Variants in KIF26A observed in about 807,000 individuals in gnomAD.
The protein encoded by KIF26A is kinesin family member 26A, also known as kinesin-like protein KIF26A.
A neutral mutation model predicts 126.0 loss-of-function variants in KIF26A; 74 were observed. That is an observed-to-expected ratio of 0.59 (90% CI 0.49 to 0.71). The LOEUF (loss-of-function observed/expected upper bound fraction) is 0.71, where lower values mean the gene tolerates loss of function less well. Ranked by LOEUF, KIF26A falls within the 30% of genes least tolerant of loss-of-function variation. KIF26A has a pLI of 0.00. For missense variants in KIF26A, 2,984 were observed against 2,763.3 expected, an observed-to-expected ratio of 1.08 and a Z score of -1.79; for synonymous variants, 1,445 against 1,232.7, an observed-to-expected ratio of 1.17 and a Z score of -3.61.
chr14:104,147,550 G>A (rs2037690780), intron 2 of KIF26A, among the ~76,000 whole-genome samples: 2 of 152,172 alleles, frequency 1.3e-5, no homozygotes, highest in African/African-American at 4.8e-5. Flanking sequence ...GGCAGGAGGG[G>A]CACCGGGGCA....
intron 2 of KIF26A, 122 bp downstream of exon 2, chr14:104,139,410 A>T (rs942763598): frequency 7.4e-5 from 90 of 1,224,122 alleles, no homozygotes; most frequent in Non-Finnish European, 1.3e-5. Context: ...ACAAAGAGTT[A>T]TCAGCCAGGA....
chr14:104,143,675 C>T (rs1186104429), intron 2 of KIF26A, among the ~76,000 whole-genome samples: 1 of 152,228 alleles, frequency 6.6e-6, no homozygotes, highest in African/African-American at 2.4e-5. Context: ...CGGATGCTCG[C>T]CACTTGTGGT....
chr14:104,177,998 A>G, intron 12 of KIF26A, 100 bp downstream of exon 12: 1 of 1,277,250 alleles, frequency 7.8e-7, no homozygotes, highest in Non-Finnish European at 1.0e-6. Context: ...TGCTGGACAG[A>G]TGGGCACAGC....
At chr14:104,166,766 T>C (rs1479982029) in intron 4 of KIF26A, 93 bp from the exon 5 acceptor site, 2 of 1,219,036 alleles carry the variant, frequency 1.6e-6, no homozygotes, top group Non-Finnish European at 1.1e-6. Flanking sequence ...GCTGATGAAG[T>C]CCCAGGGTGG....
At chr14:104,170,100 G>T (rs556607486) in intron 5 of KIF26A, among the ~76,000 whole-genome samples, 9 of 152,308 alleles carry the variant, frequency 5.9e-5, no homozygotes, top group African/African-American at 1.9e-4. Context: ...GCCGGCAGAC[G>T]TAGAGAGCCA....
At position 104,157,888 on chromosome 14, in the gene KIF26A, C is replaced by T. The variant is rs537714454; in HGVS notation, c.869C>T (p.Pro290Leu). The T allele has an allele frequency of 3.2e-5, 51 of 1,576,026 alleles. No individual in the cohort carries two copies. The highest frequency in any genetic ancestry group is 1.8e-4 in the Admixed American group (10 of 56,542). Reference sequence around the variant, plus strand: ...ACGTCAGCCCTGGTCACCCCCACCCCGGGCTCGGTGGGGGGCTCCACAGGC... The same window carrying T: ...ACGTCAGCCCTGGTCACCCCCACCCTGGGCTCGGTGGGGGGCTCCACAGGC... ...VCTSALVTPT[P>L]GSVGGSTGPS... The change falls in exon 4 of 15, where the codon CCG (proline) becomes CTG (leucine). Residue 290 changes from proline to leucine, a missense_variant. Pro to Leu is a moderately conservative substitution (Grantham distance 98). Transcript: ENST00000423312.
rs751603211 is a variant in KIF26A, at chr14:104,177,341, C to G, written c.4553C>G (p.Ser1518Cys). The change falls in exon 12 of 15, where the codon TCT becomes TGT. Residue 1518 changes from serine (S) to cysteine (C), a missense_variant. By Grantham distance (112) the Ser-to-Cys change is moderately radical (BLOSUM62 -1). Coordinates refer to ENST00000423312, the MANE Select transcript of KIF26A (RefSeq NM_015656.2). ...GCTCTGGGGCCTTCGGTGAAGCTGTCTACGGCCTCTGTGACGGGCAGGAGC... is the reference window on the plus strand; with the variant it reads ...GCTCTGGGGCCTTCGGTGAAGCTGTGTACGGCCTCTGTGACGGGCAGGAGC... ...SRALGPSVKL[S>C]TASVTGRSPG... is the part of the protein sequence containing the mutation. The G allele has an allele frequency of 4.6e-6, 7 of 1,505,778 alleles. No individual in the cohort carries two copies. The highest frequency in any genetic ancestry group is 2.4e-5 in the East Asian group (1 of 40,932). 93.3% of individuals were successfully genotyped at this position (1,505,778 alleles called of 1,614,324 possible).
In KIF26A at chr14:104,148,274, T is replaced by C. The variant is rs148905080; in HGVS notation, c.289-3741T>C. ...GACTCCCTAAAACCCAGGCGCGCAA[T>C]GGGTGGGCTATGTTTGATGCTAAAT... On this transcript the variant is annotated intron_variant, in intron 2 of 14. Coordinates refer to ENST00000423312, the MANE Select transcript of KIF26A (RefSeq NM_015656.2). This position sits in a 1 kb window ranked among gnomAD's most constrained non-coding sequence, Gnocchi z 4.3. 2.0e-5 allele frequency among the ~76,000 whole-genome samples: 3 copies of C among 152,216 alleles called. No individual in the cohort carries two copies. The highest frequency in any genetic ancestry group is 4.2e-4 in the South Asian group (2 of 4,816).
At chr14:104,174,361 G>A in intron 11 of KIF26A, 51 bp downstream of exon 11, 4 of 1,461,336 alleles carry the variant, frequency 2.7e-6, no homozygotes, top group Non-Finnish European at 3.6e-6. Context: ...CGGCTCCTGT[G>A]TCCACTGCAG....
chr14:104,161,875 A>T (rs79691953), intron 4 of KIF26A, among the ~76,000 whole-genome samples: 16,341 of 152,212 alleles, frequency 0.11, 1,551 homozygotes, highest in African/African-American at 0.26. Flanking sequence ...TCTTCCCTTC[A>T]GAGTCAAACC....
At chr14:104,160,906 C>T (rs2037827070) in intron 4 of KIF26A, among the ~76,000 whole-genome samples, 1 of 152,214 alleles carries the variant, frequency 6.6e-6, no homozygotes, top group South Asian at 2.1e-4. Flanking sequence ...TTGCAGGTAC[C>T]CAGGCCCCCC....
chr14:104,156,102 C>G (rs1277377255), intron 3 of KIF26A, among the ~76,000 whole-genome samples: 2 of 152,244 alleles, frequency 1.3e-5, no homozygotes, highest in Non-Finnish European at 2.9e-5. Flanking sequence ...AGAACTGGCC[C>G]TGGGTGCTGA....
intron 6 of KIF26A, 77 bp downstream of exon 6, chr14:104,172,012 G>T (rs1483794382): frequency 1.5e-5 from 20 of 1,363,004 alleles, no homozygotes; most frequent in South Asian, 8.0e-5. Context: ...TCCGATCTGC[G>T]CCCGCTTCTC....
Position 104,179,341 on chromosome 14 carries a change from AC to A in KIF26A, c.5425del (p.Gln1809ArgfsTer4). On this transcript the variant is annotated frameshift_variant, in exon 14 of 15. Transcript: ENST00000423312. LOFTEE classifies it low-confidence loss of function (END_TRUNC). ...GCACCTGTGTGAGGAGCTGGCCGAG[AC>A]CCAGGGCCGGCTGATGCTGGAGCCT... The part of the protein sequence containing the change: ...HKHLCEELAE[T>X]QGRLMLEPGR... The A allele has an allele frequency of 1.3e-6, 2 of 1,540,016 alleles. No individual in the cohort carries two copies.
chr14:104,168,907 T>C (rs963105950), intron 5 of KIF26A, among the ~76,000 whole-genome samples: 3 of 151,894 alleles, frequency 2.0e-5, no homozygotes, highest in African/African-American at 4.8e-5. Context: ...CGGGGGTCAC[T>C]GCCTCCCTGG....
chr14:104,174,760 G>A (rs766195920), intron 11 of KIF26A, among the ~76,000 whole-genome samples: 4 of 152,122 alleles, frequency 2.6e-5, no homozygotes, highest in South Asian at 2.1e-4. Flanking sequence ...CTCCCAGCGC[G>A]GGGTGACACC....
chr14:104,157,794 G>A lies in KIF26A; in HGVS notation c.775G>A (p.Val259Ile), dbSNP rs1200906188. The A allele has an allele frequency of 1.2e-6, 2 of 1,610,438 alleles. No individual in the cohort carries two copies. The highest frequency in any genetic ancestry group is 1.7e-5 in the Admixed American group (1 of 59,848). ...AVAAVAVADT[V>I]RECPPVAGPD... The stretch of plus-strand genomic sequence containing the variant: ...GGCGGCCGTGGCGGTGGCAGACACG[G>A]TCCGAGAATGCCCCCCCGTGGCCGG... The change falls in exon 4 of 15, where the codon GTC (valine) becomes ATC (isoleucine). Residue 259 changes from valine to isoleucine, a missense_variant. Transcript: ENST00000423312.
At chr14:104,157,334 C>T (rs554656304) in intron 3 of KIF26A, among the ~76,000 whole-genome samples, 4 of 152,324 alleles carry the variant, frequency 2.6e-5, no homozygotes, top group East Asian at 1.9e-4. Context: ...TCTCTAATTA[C>T]GCCGCTGGGT....
intron 13 of KIF26A, 51 bp from the exon 14 acceptor site, chr14:104,179,185 T>C: frequency 7.1e-7 from 1 of 1,408,482 alleles, no homozygotes. Context: ...TGCTTGGGGG[T>C]CTCTGGGGAG....
Sources: allele counts gnomAD v4.1 joint callset (sites outside exome capture counted in the v4.1 genomes callset), GRCh38; gene constraint gnomAD v4.1.1; non-coding constraint Gnocchi (gnomAD v3.1); transcripts MANE v1.5; gene names NCBI Gene and HGNC (gene_info 2026-07-23, HGNC 2026-07-21).